LYPD6B: variants seen among roughly 807,000 people sequenced by gnomAD.
LYPD6B encodes the protein LY6/PLAUR domain containing 6B.
LYPD6B carries 17 observed loss-of-function variants against 22.8 expected under a neutral mutation model. That is an observed-to-expected ratio of 0.75 (90% confidence interval 0.51 to 1.12). LYPD6B has a LOEUF of 1.12. Ranked by LOEUF, LYPD6B falls within the 50% of genes most tolerant of loss-of-function variation. The pLI is 0.00. For synonymous variants in LYPD6B, 106 were observed against 91.6 expected, an observed-to-expected ratio of 1.16 and a Z score of -0.90; for missense variants, 221 against 258.3, an observed-to-expected ratio of 0.86 and a Z score of 0.99.
chr2:149,207,477 AT>A lies in LYPD6B; in HGVS notation c.230-830del, dbSNP rs780371462. Among the ~76,000 whole-genome samples, 30 of 151,786 alleles carry A rather than the reference AT, an allele frequency of 2.0e-4. No individual in the cohort carries two copies. The East Asian group carries it at 5.0e-3, about 25-fold the overall frequency. ...CTACACAGAAATGTCAAATTATTTTATTTTTTTCTTCTTGTCCGCTAAAATT... is the reference window on the plus strand; with the variant it reads ...CTACACAGAAATGTCAAATTATTTTATTTTTTCTTCTTGTCCGCTAAAATT... On this transcript the variant is annotated intron_variant, in intron 4 of 6. Transcript: ENST00000409642.
intron 1 of LYPD6B, among the ~76,000 whole-genome samples, chr2:149,071,499 A>G (rs997960681): frequency 1.3e-5 from 2 of 152,224 alleles, no homozygotes; most frequent in African/African-American, 4.8e-5. Context: ...GGAAATCTCA[A>G]AATCTAGGAT....
At chr2:149,099,876 T>TAAAA (rs758768514) in intron 1 of LYPD6B, among the ~76,000 whole-genome samples, 3 of 152,296 alleles carry the variant, frequency 2.0e-5, no homozygotes, top group Non-Finnish European at 4.4e-5. Flanking sequence ...GTGTGATATT[T>TAAAA]AAAAACTAGG....
intron 2 of LYPD6B, among the ~76,000 whole-genome samples, chr2:149,135,061 A>G (rs1056805815): frequency 6.6e-6 from 1 of 151,930 alleles, no homozygotes; most frequent in East Asian, 1.9e-4. Context: ...CCTGGCCGAC[A>G]TGATGAAACC....
At chr2:149,075,918 A>G (rs11683825) in intron 1 of LYPD6B, among the ~76,000 whole-genome samples, 4,611 of 152,310 alleles carry the variant, frequency 0.03, 103 homozygotes, top group Middle Eastern at 0.075. Context: ...AAACATGCCG[A>G]GACAAAAGCA....
intron 2 of LYPD6B, among the ~76,000 whole-genome samples, chr2:149,148,561 A>G (rs1689175404): frequency 6.6e-6 from 1 of 152,244 alleles, no homozygotes; most frequent in African/African-American, 2.4e-5. Context: ...GTCCAGGCTC[A>G]TACATTTTTG....
At chr2:149,124,471 G>C in intron 1 of LYPD6B, among the ~76,000 whole-genome samples, 1 of 152,098 alleles carries the variant, frequency 6.6e-6, no homozygotes, top group Non-Finnish European at 1.5e-5. Flanking sequence ...TGTTAAGTGG[G>C]CATCACACGA....
chr2:149,154,742 G>A (rs73963726), intron 2 of LYPD6B, among the ~76,000 whole-genome samples: 76 of 152,204 alleles, frequency 5.0e-4, no homozygotes, highest in African/African-American at 1.8e-3. Flanking sequence ...GACAGGTACA[G>A]TAGATTTGCT....
intron 2 of LYPD6B, among the ~76,000 whole-genome samples, chr2:149,135,411 T>C (rs1006724079): frequency 1.3e-5 from 2 of 152,202 alleles, no homozygotes; most frequent in East Asian, 1.9e-4. Flanking sequence ...AATATGTGTA[T>C]GTATGAATAA....
chr2:149,044,010 T>C (rs1683200149), intron 1 of LYPD6B, among the ~76,000 whole-genome samples: 1 of 152,096 alleles, frequency 6.6e-6, no homozygotes, highest in African/African-American at 2.4e-5. Flanking sequence ...ATGCCAACAC[T>C]ACAGTATCTT....
intron 1 of LYPD6B, among the ~76,000 whole-genome samples, chr2:149,054,742 C>T (rs766473023): frequency 2.5e-4 from 38 of 152,000 alleles, no homozygotes; most frequent in Admixed American, 5.9e-4. Context: ...AGCTGGGCAT[C>T]GTGGCGTGCA....
chr2:149,137,666 G>C (rs912375086), intron 2 of LYPD6B, among the ~76,000 whole-genome samples: 1 of 152,064 alleles, frequency 6.6e-6, no homozygotes, highest in Non-Finnish European at 1.5e-5. Flanking sequence ...ATATGCCAGG[G>C]CTTATTTAAT....
intron 3 of LYPD6B, among the ~76,000 whole-genome samples, chr2:149,181,369 T>C (rs1418152856): frequency 6.6e-6 from 1 of 152,226 alleles, no homozygotes; most frequent in Non-Finnish European, 1.5e-5. Context: ...CTATCCCTTG[T>C]AGCCAGAGTC....
intron 1 of LYPD6B, among the ~76,000 whole-genome samples, chr2:149,123,123 A>G (rs1262417616): frequency 6.6e-6 from 1 of 152,218 alleles, no homozygotes; most frequent in African/African-American, 2.4e-5. Context: ...GGATTCAGTC[A>G]TCACATGGAA....
chr2:149,212,479 G>A (rs1021869214), intron 5 of LYPD6B, among the ~76,000 whole-genome samples: 3 of 150,044 alleles, frequency 2.0e-5, no homozygotes, highest in African/African-American at 7.3e-5. Context: ...TGATTGTGAT[G>A]TATAATTCGA....
rs143524028 is a variant in LYPD6B at position 149,176,231 on chromosome 2, T to G, written c.77+15396T>G. ...TTCTCATCTTGTAGGACCACTGTTG[T>G]GTATGCTGTTCATCCTTGACTAAAA... On this transcript the variant is annotated intron_variant, in intron 3 of 6. Transcript: ENST00000409642. Among the ~76,000 whole-genome samples the G allele has an allele frequency of 2.4e-4, 36 of 152,370 alleles. No homozygotes were observed. The East Asian group carries it at 6.7e-3, about 29-fold the overall frequency.
chr2:149,062,101 C>A (rs764226425), intron 1 of LYPD6B, among the ~76,000 whole-genome samples: 16 of 151,984 alleles, frequency 1.1e-4, no homozygotes, highest in Non-Finnish European at 2.2e-4. Flanking sequence ...AATTCTCCTG[C>A]CTCAGCCTCC....
intron 3 of LYPD6B, among the ~76,000 whole-genome samples, chr2:149,178,359 T>A (rs1344672692): frequency 6.6e-6 from 1 of 152,240 alleles, no homozygotes; most frequent in Non-Finnish European, 1.5e-5. Flanking sequence ...AAAGACAACA[T>A]CTTATCACCA....
At chr2:149,207,529 A>T (rs1444603836) in intron 4 of LYPD6B, among the ~76,000 whole-genome samples, 5 of 152,110 alleles carry the variant, frequency 3.3e-5, no homozygotes, top group Admixed American at 3.3e-4. Flanking sequence ...AAAAGAAAAA[A>T]AAAAGGCATA....
At chr2:149,090,613 T>C (rs772000292) in intron 1 of LYPD6B, among the ~76,000 whole-genome samples, 3 of 152,142 alleles carry the variant, frequency 2.0e-5, no homozygotes, top group Non-Finnish European at 4.4e-5. Flanking sequence ...AATGGAGATA[T>C]ATAATATCTT....
Sources: allele counts gnomAD v4.1 joint callset (sites outside exome capture counted in the v4.1 genomes callset), GRCh38; gene constraint gnomAD v4.1.1; transcripts MANE v1.5; gene names NCBI Gene and HGNC (gene_info 2026-07-23, HGNC 2026-07-21).